Variants in CLCN3 observed in about 807,000 individuals in gnomAD.
The protein encoded by CLCN3 is Cl-/H+ antiporter 3.
In CLCN3, 16 loss-of-function variants were observed where a neutral mutation model predicts 83.4. That is an observed-to-expected ratio of 0.19 (90% CI 0.13 to 0.29). The LOEUF (loss-of-function observed/expected upper bound fraction) is 0.29, where lower values mean the gene tolerates loss of function less well. Ranked by LOEUF, CLCN3 falls within the 10% of genes least tolerant of loss-of-function variation. CLCN3 has a pLI of 1.00. For missense variants in CLCN3, 544 were observed against 1,006.0 expected, an observed-to-expected ratio of 0.54 and a Z score of 6.21; for synonymous variants, 322 against 346.2, an observed-to-expected ratio of 0.93 and a Z score of 0.78.
At chr4:169,673,251 T>C (rs1277401396) in intron 2 of CLCN3, among the ~76,000 whole-genome samples, 1 of 152,250 alleles carries the variant, frequency 6.6e-6, no homozygotes, top group Non-Finnish European at 1.5e-5. Context: ...GAAAATTTTC[T>C]GGTTTTCAGA....
intron 2 of CLCN3, among the ~76,000 whole-genome samples, chr4:169,673,934 A>C (rs746861451): frequency 5.3e-5 from 8 of 152,164 alleles, no homozygotes; most frequent in Admixed American, 6.5e-5. Flanking sequence ...TTTACTCCTA[A>C]ATACTTCAGT....
chr4:169,703,930 T>C lies in CLCN3; in HGVS notation c.1564-68T>C, dbSNP rs1020128298. 14 of 1,429,868 alleles carry C rather than the reference T, an allele frequency of 9.8e-6. No individual in the cohort carries two copies. In the South Asian group the frequency reaches 1.4e-4, roughly 15 times the overall value. The allele number at this position is 1,429,868 out of a possible 1,614,324, so 88.6% of individuals were successfully genotyped here. A position where few individuals can be genotyped will look rare whatever the true frequency, so the allele number is the denominator to read the frequency against. On this transcript the variant is annotated intron_variant, in intron 9 of 12. Transcript: ENST00000513761. ...ATCAAAAGTGTTAGAAATAAATGCA[T>C]AGAATGTAAGTTTCAGGCATGTGAG...
rs111814207 is a variant in CLCN3, at chr4:169,687,708, T to C, written c.369T>C (p.Tyr123=). Residue 123 remains tyrosine (Y), a synonymous_variant, in exon 4 of 13, where the codon TAT becomes TAC. Transcript: ENST00000513761. ...CATGGGAAATGACAAAAAGTTTGTA[T>C]GATGCGTGGTCAGGATGGCTAGTAG... ...ESAWEMTKSL[Y]DAWSGWLVVT... The C allele has an allele frequency of 5.0e-6, 8 of 1,609,830 alleles. No homozygotes were observed. The African/African-American group carries it at 9.4e-5, about 19-fold the overall frequency.
chr4:169,703,949 A>T (rs990988733), intron 9 of CLCN3, 49 bp from the exon 10 acceptor site: 3 of 1,540,566 alleles, frequency 1.9e-6, no homozygotes, highest in Non-Finnish European at 2.7e-6. Context: ...AGTTTCAGGC[A>T]TGTGAGTAGA....
intron 2 of CLCN3, among the ~76,000 whole-genome samples, chr4:169,646,912 A>C (rs1730589218): frequency 6.6e-6 from 1 of 152,238 alleles, no homozygotes; most frequent in Non-Finnish European, 1.5e-5. Flanking sequence ...TAGTTTTGGA[A>C]ACAAAAGAAT....
At chr4:169,647,251 A>G (rs1730600274) in intron 2 of CLCN3, among the ~76,000 whole-genome samples, 1 of 152,062 alleles carries the variant, frequency 6.6e-6, no homozygotes, top group African/African-American at 2.4e-5. Context: ...TTAGCTGGAC[A>G]TGGTGGTGCT....
chr4:169,658,602 G>A (rs773579549), intron 2 of CLCN3, among the ~76,000 whole-genome samples: 2 of 152,146 alleles, frequency 1.3e-5, no homozygotes, highest in East Asian at 1.9e-4. Context: ...TTTACATTGA[G>A]CTAATTTAGT....
chr4:169,715,784 T>G (rs977936128), intron 12 of CLCN3, among the ~76,000 whole-genome samples: 2 of 150,762 alleles, frequency 1.3e-5, no homozygotes, highest in Non-Finnish European at 3.0e-5. Flanking sequence ...TCAGTTAATC[T>G]TGGTGGAATT....
intron 2 of CLCN3, among the ~76,000 whole-genome samples, chr4:169,679,618 C>T (rs1355115951): frequency 1.8e-4 from 27 of 152,146 alleles, no homozygotes; most frequent in Non-Finnish European, 3.4e-4. Flanking sequence ...ACTGAGTGAG[C>T]GAGACTCCGT....
At chr4:169,663,717 C>T (rs1382533709) in intron 2 of CLCN3, 2 of 320,852 alleles carry the variant, frequency 6.2e-6, no homozygotes, top group African/African-American at 4.6e-5. Context: ...TTATAATCCC[C>T]ATTTTCTAGT....
intron 2 of CLCN3, among the ~76,000 whole-genome samples, chr4:169,659,721 A>ATT (rs28364752): frequency 2.0e-5 from 3 of 149,864 alleles, no homozygotes; most frequent in African/African-American, 4.9e-5. Context: ...ATTATAGAGT[A>ATT]TTTTTTTTTT....
intron 2 of CLCN3, among the ~76,000 whole-genome samples, chr4:169,647,079 G>A (rs888269654): frequency 6.6e-6 from 1 of 151,998 alleles, no homozygotes; most frequent in Admixed American, 6.6e-5. Flanking sequence ...AGATTATCCT[G>A]GGTTCATAAA....
At chr4:169,700,405 G>T (rs746257841) in intron 9 of CLCN3, among the ~76,000 whole-genome samples, 2 of 151,994 alleles carry the variant, frequency 1.3e-5, no homozygotes, top group Non-Finnish European at 2.9e-5. Context: ...TTACAGGTGT[G>T]GGCCATCACA....
intron 1 of CLCN3, among the ~76,000 whole-genome samples, chr4:169,631,584 G>A (rs1436481844): frequency 1.3e-5 from 2 of 152,124 alleles, no homozygotes; most frequent in Non-Finnish European, 2.9e-5. Flanking sequence ...CACCGCGCCC[G>A]GCCGTCTTTG....
chr4:169,675,664 AC>A (rs1415449424), intron 2 of CLCN3, among the ~76,000 whole-genome samples: 1 of 152,202 alleles, frequency 6.6e-6, no homozygotes, highest in Non-Finnish European at 1.5e-5. Flanking sequence ...TGCTAAAATC[AC>A]CTATTTGAAA....
intron 2 of CLCN3, among the ~76,000 whole-genome samples, chr4:169,677,294 G>T (rs768170359): frequency 2.0e-5 from 3 of 152,152 alleles, no homozygotes; most frequent in Non-Finnish European, 4.4e-5. Context: ...TTAGATCAGG[G>T]ATTGGCAAAC....
Position 169,711,168 on chromosome 4 carries a change from A to C in CLCN3, c.2150-1911A>C, listed in dbSNP as rs189982120. On this transcript the variant is annotated intron_variant, in intron 11 of 12. Coordinates refer to ENST00000513761, the MANE Select transcript of CLCN3 (RefSeq NM_001829.4). ...TTTTACTCCCCCGTCCACATTTTAT[A>C]CTATTGATGTCACACTTTACATCTT... Among the ~76,000 whole-genome samples, 6 of 152,292 alleles carry C rather than the reference A, an allele frequency of 3.9e-5. No individual in the cohort carries two copies. In the East Asian group the frequency reaches 1.2e-3, roughly 29 times the overall value.
At position 169,687,754 on chromosome 4, in the gene CLCN3, T is replaced by A; in HGVS notation, c.415T>A (p.Ser139Thr). ...WLVVTLTGLA[S>T]GALAGLIDIA... ...AGTAGTAACACTAACAGGATTGGCA[T>A]CAGGTAAAGAAAATTTTTCAAGCAA... Residue 139 changes from serine to threonine, a missense_variant, in exon 4 of 13, where the codon TCA becomes ACA. This residue lies in a region of CLCN3 where 96 missense variants were observed against 202.1 expected (regional missense o/e 0.48). Transcript: ENST00000513761. 1.3e-6 allele frequency: 2 copies of A among 1,550,372 alleles called. No individual in the cohort carries two copies.
chr4:169,702,896 G>A (rs1470362234), intron 9 of CLCN3: 1 of 221,634 alleles, frequency 4.5e-6, no homozygotes, highest in South Asian at 5.8e-5. Context: ...TCTGCTTTCA[G>A]TTGTACACTT....
Sources: gnomAD v4.1 joint callset for allele counts (sites outside exome capture counted in the v4.1 genomes callset) on GRCh38, gnomAD v4.1.1 for gene constraint, gnomAD v4.1.1 regional missense constraint, MANE v1.5 for transcripts, NCBI Gene and HGNC (gene_info 2026-07-23, HGNC 2026-07-21) for gene names.